Variants in CELSR1 observed in about 807,000 individuals in gnomAD.
CELSR1 encodes the protein cadherin EGF LAG seven-pass G-type receptor 1.
Under a neutral mutation model 249.1 loss-of-function variants are expected in CELSR1, and 110 were observed. The observed-to-expected ratio is 0.44, with a 90% CI of 0.38 to 0.52. The LOEUF (loss-of-function observed/expected upper bound fraction) is 0.52, where lower values mean the gene tolerates loss of function less well. Among genes scored for constraint, CELSR1 ranks in the 20% least tolerant of loss-of-function variants. CELSR1 has a pLI of 0.00. For missense variants in CELSR1, 4,109 were observed against 4,296.4 expected, an observed-to-expected ratio of 0.96 and a Z score of 1.22; for synonymous variants, 2,113 against 1,900.0, an observed-to-expected ratio of 1.11 and a Z score of -2.92.
At chr22:46,521,362 G>C (rs2080683293) in intron 1 of CELSR1, among the ~76,000 whole-genome samples, 1 of 152,072 alleles carries the variant, frequency 6.6e-6, no homozygotes, top group African/African-American at 2.4e-5. Context: ...AAAATTAGCT[G>C]GGCATGGTGG....
rs61741875 is a variant in CELSR1, at chr22:46,397,828, C to A, written c.5547G>T (p.Thr1849=). 2 of 1,581,184 alleles carry A rather than the reference C, an allele frequency of 1.3e-6. No homozygotes were observed. The highest frequency in any genetic ancestry group is 1.7e-5 in the Admixed American group (1 of 57,222). ...TGTTCAGGGTGGCGACGTTGGTGGG[C>A]GTCCCCCCCATCCTCACTCCCTGCA... ...GCMQGVRMGG[T]PTNVATLNMN... is the part of the protein sequence containing the mutation. The change falls in exon 12 of 35, where the codon ACG becomes ACT. Residue 1849 remains threonine, a synonymous_variant. Coordinates refer to ENST00000674500, the MANE Select transcript of CELSR1 (RefSeq NM_001378328.1).
At chr22:46,469,991 G>GAGGGAGGAGGAGGGGAGA (rs2080138465) in intron 1 of CELSR1, among the ~76,000 whole-genome samples, 1 of 115,772 alleles carries the variant, frequency 8.6e-6, no homozygotes, top group African/African-American at 3.3e-5. Flanking sequence ...AGGAGGGGAG[G>GAGGGAGGAGGAGGGGAGA]GAGGGAGGGA....
intron 1 of CELSR1, among the ~76,000 whole-genome samples, chr22:46,528,478 C>T (rs1201353994): frequency 2.6e-5 from 4 of 152,128 alleles, no homozygotes; most frequent in African/African-American, 9.7e-5. Flanking sequence ...GCAGGGACAT[C>T]GCCTTTCTCC....
At chr22:46,513,989 C>T (rs6008886) in intron 1 of CELSR1, among the ~76,000 whole-genome samples, 88,635 of 151,588 alleles carry the variant, frequency 0.58, 26,336 homozygotes, top group East Asian at 0.77. Flanking sequence ...GAGACGGGGT[C>T]TCACCTTGTT....
chr22:46,509,576 G>A (rs961386670), intron 1 of CELSR1, among the ~76,000 whole-genome samples: 3 of 23,396 alleles, frequency 1.3e-4, no homozygotes, highest in Non-Finnish European at 3.3e-4. Context: ...GGTAGGTAAA[G>A]GCCAGGTCAC....
At position 46,440,535 on chromosome 22, in the gene CELSR1, C is replaced by T. The variant is rs1292503251; in HGVS notation, c.4184-1124G>A. 6.6e-6 allele frequency among the ~76,000 whole-genome samples: 1 copy of T among 152,234 alleles called. No individual in the cohort carries two copies. The highest frequency in any genetic ancestry group is 6.5e-5 in the Admixed American group (1 of 15,280). The stretch of plus-strand genomic sequence containing the variant: ...TCTTTAAAATATTTTGCATCTCTGA[C>T]AAATGGATCTCAACGATCTTTTCAT... On this transcript the variant is annotated intron_variant, in intron 2 of 34. Coordinates refer to ENST00000674500, the MANE Select transcript of CELSR1 (RefSeq NM_001378328.1). This position sits in a 1 kb window ranked among gnomAD's most constrained non-coding sequence, Gnocchi z 4.7.
intron 9 of CELSR1, among the ~76,000 whole-genome samples, chr22:46,403,971 C>CAAAAAAAAAAAAAAAAAAAAA (rs756055741): frequency 2.1e-5 from 1 of 48,416 alleles, no homozygotes; most frequent in Non-Finnish European, 4.7e-5. Flanking sequence ...AACTCCGTCT[C>CAAAAAAAAAAAAAAAAAAAAA]AAAAAAAAAA....
Position 46,393,475 on chromosome 22 carries a change from C to T in CELSR1, c.5964+667G>A, listed in dbSNP as rs940885616. 2.1e-4 allele frequency among the ~76,000 whole-genome samples: 32 copies of T among 152,108 alleles called. No homozygotes were observed. The highest frequency in any genetic ancestry group is 6.8e-4 in the African/African-American group (28 of 41,436). ...GAAAATGGCCAGGCACGGTGGCTCA[C>T]GCCTGTAATCCCAGCACTCTGGGAG... On this transcript the variant is annotated intron_variant, in intron 14 of 34. Transcript: ENST00000674500. The surrounding 1 kb of genome is among the most constrained non-coding windows in gnomAD (Gnocchi z 4.1).
In CELSR1 at chr22:46,390,530, T is replaced by TTGA. The variant is rs1569127983; in HGVS notation, c.6251-47_6251-45dup. Reference sequence around the variant, plus strand: ...TGTGCAAAGCCTGAAACTCAAACTGTTGATCAATGCTTGTGTATTTCAATC... The same window carrying TTGA: ...TGTGCAAAGCCTGAAACTCAAACTGTTGATGATCAATGCTTGTGTATTTCAATC... On this transcript the variant is annotated intron_variant, in intron 16 of 34. Transcript: ENST00000674500. The surrounding 1 kb of genome is among the most constrained non-coding windows in gnomAD (Gnocchi z 6.3). The TTGA allele has an allele frequency of 4.8e-6, 7 of 1,448,888 alleles. No homozygotes were observed. In the Admixed American group the frequency reaches 1.0e-4, roughly 22 times the overall value. The allele number at this position is 1,448,888 out of a possible 1,614,324, so 89.8% of individuals were successfully genotyped here.
At position 46,439,350 on chromosome 22, in the gene CELSR1, C is replaced by T. The variant is rs751763888; in HGVS notation, c.4245G>A (p.Gly1415=). 1.5e-5 allele frequency: 24 copies of T among 1,613,928 alleles called. No homozygotes were observed. The highest frequency in any genetic ancestry group is 2.2e-5 in the East Asian group (1 of 44,892). The change falls in exon 3 of 35, where the codon GGG becomes GGA. Residue 1415 remains glycine (G), a synonymous_variant. Coordinates refer to ENST00000674500, the MANE Select transcript of CELSR1 (RefSeq NM_001378328.1). ...GRCANGVCKN[G]GTCVNLLIGG... ...CGATGAGCAGGTTCACGCAGGTGCC[C>T]CCGTTCTTGCACACCCCGTTGGCAC...
intron 2 of CELSR1, among the ~76,000 whole-genome samples, chr22:46,456,099 G>A (rs2079945937): frequency 6.6e-6 from 1 of 152,256 alleles, no homozygotes; most frequent in South Asian, 2.1e-4. Context: ...TATGTAATGA[G>A]TTTTATTTTG....
chr22:46,485,058 C>T (rs899725282), intron 1 of CELSR1, among the ~76,000 whole-genome samples: 5 of 152,036 alleles, frequency 3.3e-5, no homozygotes, highest in Admixed American at 1.3e-4. Flanking sequence ...TAGAGGCTCT[C>T]GTGGAAGAAA....
At position 46,504,504 on chromosome 22, in the gene CELSR1, CAAAAAAAAAA is replaced by C. The variant is rs11341314; in HGVS notation, c.3544+29113_3544+29122del. On this transcript the variant is annotated intron_variant, in intron 1 of 34. Coordinates refer to ENST00000674500, the MANE Select transcript of CELSR1 (RefSeq NM_001378328.1). ...ATCCCAGCCTGGCGACATCTGTCTC[CAAAAAAAAAA>C]AAAAAACAAAAAAAAACAGGAATGG... Among the ~76,000 whole-genome samples, 833 of 109,308 alleles carry C rather than the reference CAAAAAAAAAA, an allele frequency of 7.6e-3. 6 individuals are homozygous for C. The highest frequency in any genetic ancestry group is 0.019 in the Middle Eastern group (4 of 206). 71.7% of individuals were successfully genotyped at this position (109,308 alleles called of 152,430 possible). A position where few individuals can be genotyped will look rare whatever the true frequency, so the allele number is the denominator to read the frequency against.
chr22:46,460,253 G>A (rs572094738), intron 2 of CELSR1, among the ~76,000 whole-genome samples: 67 of 152,234 alleles, frequency 4.4e-4, no homozygotes, highest in Admixed American at 1.2e-3. Flanking sequence ...GGGGGACAGA[G>A]ACATGGAAGT....
chr22:46,399,988 T>A lies in CELSR1; in HGVS notation c.5227-86A>T. On this transcript the variant is annotated intron_variant, in intron 9 of 34. Transcript: ENST00000674500. This position sits in a 1 kb window ranked among gnomAD's most constrained non-coding sequence, Gnocchi z 5.0. ...TGCAGTCACTTAAACAAGGAAGCTG[T>A]GAAAGGAGACTGATTATGTGGCACC... 1 of 1,380,572 alleles carries A rather than the reference T, an allele frequency of 7.2e-7. No individual in the cohort carries two copies. The highest frequency in any genetic ancestry group is 1.3e-5 in the South Asian group (1 of 74,356). 85.5% of individuals were successfully genotyped at this position (1,380,572 alleles called of 1,614,324 possible). A position where few individuals can be genotyped will look rare whatever the true frequency, so the allele number is the denominator to read the frequency against.
At position 46,396,593 on chromosome 22, in the gene CELSR1, G is replaced by A. The variant is rs1193801705; in HGVS notation, c.5843+12C>T. 2 of 1,552,798 alleles carry A rather than the reference G, an allele frequency of 1.3e-6. No individual in the cohort carries two copies. Among genetic ancestry groups the A allele is most frequent in the Admixed American group, 2.0e-5 (1 of 51,048 alleles). ...TCTGAAGGTGCAGGGAGGCACCAGG[G>A]GCTGCTCTTACTTGTTCTCACAGTA... On this transcript the variant is annotated intron_variant, in intron 13 of 34. Coordinates refer to ENST00000674500, the MANE Select transcript of CELSR1 (RefSeq NM_001378328.1). This position sits in a 1 kb window ranked among gnomAD's most constrained non-coding sequence, Gnocchi z 6.4.
Position 46,386,469 on chromosome 22 carries a change from G to C in CELSR1, c.6672C>G (p.Phe2224Leu). ...AQLLRRLEGYFSNVARNVRRT... is the reference protein window; with the variant it reads ...AQLLRRLEGYLSNVARNVRRT... ...GCCGCACGTTGCGTGCCACGTTGCT[G>C]AAGTAGCCCTCGAGGCGCCGGAGCA... The change falls in exon 19 of 35, where the codon TTC (phenylalanine) becomes TTG (leucine). Residue 2224 changes from phenylalanine (F) to leucine (L), a missense_variant. Physicochemically the swap from Phe to Leu is conservative, Grantham distance 22. Coordinates refer to ENST00000674500, the MANE Select transcript of CELSR1 (RefSeq NM_001378328.1). 1.2e-6 allele frequency: 2 copies of C among 1,604,222 alleles called. No homozygotes were observed. The highest frequency in any genetic ancestry group is 2.2e-5 in the South Asian group (2 of 89,642).
intron 26 of CELSR1, 27 bp downstream of exon 26, chr22:46,369,665 G>C (rs767030124): frequency 6.3e-7 from 1 of 1,594,784 alleles, no homozygotes; most frequent in African/African-American, 1.3e-5. Context: ...TGGGGCACCC[G>C]GACTCCCGTG....
Position 46,454,723 on chromosome 22 carries a change from A to C in CELSR1, c.4183+8984T>G, listed in dbSNP as rs751557966. On this transcript the variant is annotated intron_variant, in intron 2 of 34. Coordinates refer to ENST00000674500, the MANE Select transcript of CELSR1 (RefSeq NM_001378328.1). The surrounding 1 kb of genome is among the most constrained non-coding windows in gnomAD (Gnocchi z 5.1). ...GCGCTTAGCGTTCGCAAAGGTAAACACATCGCAGAAACCTGCCTCCCACCC... is the reference window on the plus strand; with the variant it reads ...GCGCTTAGCGTTCGCAAAGGTAAACCCATCGCAGAAACCTGCCTCCCACCC... Among the ~76,000 whole-genome samples the C allele has an allele frequency of 6.6e-6, 1 of 152,218 alleles. No homozygotes were observed. The highest frequency in any genetic ancestry group is 1.5e-5 in the Non-Finnish European group (1 of 68,048).
Sources: gnomAD v4.1 joint callset for allele counts (sites outside exome capture counted in the v4.1 genomes callset) on GRCh38, gnomAD v4.1.1 for gene constraint, Gnocchi (gnomAD v3.1) non-coding constraint, MANE v1.5 for transcripts, NCBI Gene and HGNC (gene_info 2026-07-23, HGNC 2026-07-21) for gene names.